The following DIAPH2 variants were observed in gnomAD, a reference collection of about 807,000 sequenced individuals.
DIAPH2 encodes the protein diaphanous related formin 2, also known as protein diaphanous homolog 2.
DIAPH2 carries 35 observed loss-of-function variants against 92.7 expected under a neutral mutation model. That is an observed-to-expected ratio of 0.38 (90% CI 0.29 to 0.50). The LOEUF (loss-of-function observed/expected upper bound fraction) is 0.50, where lower values mean the gene tolerates loss of function less well. DIAPH2 is among the 20% of genes least tolerant of loss of function. The pLI, the probability that DIAPH2 is intolerant of heterozygous loss-of-function variation, is 0.94. For synonymous variants in DIAPH2, 301 were observed against 280.4 expected (o/e 1.07, Z -0.73); for missense variants, 701 against 819.5 (o/e 0.86, Z 1.77).
chrX:97,045,966 G>A (rs2066481105), intron 17 of DIAPH2, among the ~76,000 whole-genome samples: 2 of 103,724 alleles, frequency 1.9e-5, no homozygotes, highest in African/African-American at 7.2e-5. Context: ...CGATTCTCGT[G>A]CCTCAGCCTC....
chrX:97,116,183 T>C (rs1337303172), intron 21 of DIAPH2, among the ~76,000 whole-genome samples: 2 of 112,088 alleles, frequency 1.8e-5, no homozygotes, highest in Non-Finnish European at 3.8e-5. Context: ...CACTTTGATA[T>C]GTATCAAAAA....
intron 25 of DIAPH2, among the ~76,000 whole-genome samples, chrX:97,426,819 A>C (rs1175610170): frequency 8.9e-6 from 1 of 112,031 alleles, no homozygotes; most frequent in Non-Finnish European, 1.9e-5. Context: ...AGTTAGTCTG[A>C]TAAGAAGAAT....
chrX:97,072,318 C>T (rs1203142559), intron 17 of DIAPH2, among the ~76,000 whole-genome samples: 1 of 111,892 alleles, frequency 8.9e-6, no homozygotes, highest in Non-Finnish European at 1.9e-5. Context: ...ATCTTCTGTT[C>T]TAAGGAAGCA....
At chrX:97,378,757 AACT>A (rs2069525668) in intron 24 of DIAPH2, among the ~76,000 whole-genome samples, 1 of 111,805 alleles carries the variant, frequency 8.9e-6, no homozygotes, top group Admixed American at 9.5e-5. Context: ...TTTTCATTAA[AACT>A]ACTATCTCAG....
chrX:97,364,553 G>A (rs2069360216), intron 24 of DIAPH2, among the ~76,000 whole-genome samples: 1 of 112,025 alleles, frequency 8.9e-6, no homozygotes, highest in Non-Finnish European at 1.9e-5. Context: ...CCCAAGCCAT[G>A]CTCAGCTCAC....
intron 26 of DIAPH2, among the ~76,000 whole-genome samples, chrX:97,581,017 C>A (rs1178477198): frequency 1.0e-5 from 1 of 97,723 alleles, no homozygotes; most frequent in South Asian, 5.5e-4. Context: ...GTGGTGATAT[C>A]CCCTTTATCA....
intron 26 of DIAPH2, among the ~76,000 whole-genome samples, chrX:97,558,937 C>A (rs988210611): frequency 1.8e-5 from 2 of 111,481 alleles, no homozygotes; most frequent in African/African-American, 3.3e-5. Context: ...TGTGAAAGCA[C>A]TATGCATTCA....
chrX:97,050,124 A>G (rs2066509917), intron 17 of DIAPH2, among the ~76,000 whole-genome samples: 1 of 111,354 alleles, frequency 9.0e-6, no homozygotes, highest in Non-Finnish European at 1.9e-5. Context: ...GATGGTGGAA[A>G]CAACTATACT....
At chrX:97,406,378 T>G (rs2069810203) in intron 25 of DIAPH2, among the ~76,000 whole-genome samples, 1 of 112,155 alleles carries the variant, frequency 8.9e-6, no homozygotes, top group South Asian at 3.7e-4. Flanking sequence ...AAACTGGATA[T>G]AAAGATGTCA....
In DIAPH2 at chrX:96,907,379, G is replaced by A. The variant is rs188707833; in HGVS notation, c.588-4949G>A. On this transcript the variant is annotated intron_variant, in intron 5 of 26. Transcript: ENST00000324765. ...TGTTTGTCTGTCTAGGCATAGATAT[G>A]TAGATATAAACCGTTCTGTAACACC... Among the ~76,000 whole-genome samples the A allele has an allele frequency of 2.5e-3, 286 of 112,318 alleles. 4 individuals are homozygous for A. Among genetic ancestry groups the A allele is most frequent in the African/African-American group, 8.6e-3 (265 of 30,956 alleles).
chrX:97,391,139 G>A (rs762086518), intron 25 of DIAPH2, among the ~76,000 whole-genome samples: 21 of 111,497 alleles, frequency 1.9e-4, no homozygotes, highest in Non-Finnish European at 3.8e-4. Context: ...ATGAAAAGAT[G>A]CAGGAAAGAA....
At chrX:97,401,345 T>C (rs1364034169) in intron 25 of DIAPH2, among the ~76,000 whole-genome samples, 3 of 111,324 alleles carry the variant, frequency 2.7e-5, no homozygotes, top group Non-Finnish European at 5.7e-5. Context: ...TGGTTTCATT[T>C]TCTGATTTAG....
chrX:97,513,975 A>C (rs1228268581), intron 26 of DIAPH2, among the ~76,000 whole-genome samples: 1 of 105,856 alleles, frequency 9.4e-6, no homozygotes, highest in East Asian at 2.9e-4. Flanking sequence ...GGTGAATCTG[A>C]CAATTATGTG....
intron 25 of DIAPH2, among the ~76,000 whole-genome samples, chrX:97,397,733 T>C (rs1279029696): frequency 8.9e-6 from 1 of 111,895 alleles, no homozygotes; most frequent in Non-Finnish European, 1.9e-5. Flanking sequence ...AGTTGAGTGT[T>C]TGAAGTTGAA....
intron 26 of DIAPH2, among the ~76,000 whole-genome samples, chrX:97,457,274 C>G (rs1236964666): frequency 2.7e-5 from 3 of 112,288 alleles, no homozygotes; most frequent in African/African-American, 9.7e-5. Flanking sequence ...ACCCCTCTCC[C>G]AAAGTGCTGG....
intron 4 of DIAPH2, among the ~76,000 whole-genome samples, chrX:96,858,219 G>A (rs931934342): frequency 3.6e-5 from 4 of 111,452 alleles, no homozygotes; most frequent in Non-Finnish European, 5.6e-5. Context: ...ATTCATGGTG[G>A]TCATTGGTTG....
intron 10 of DIAPH2, among the ~76,000 whole-genome samples, chrX:96,933,498 TTGTGTATATATATGTATATATATATGTG>T (rs1369537431): frequency 1.9e-5 from 2 of 106,581 alleles, no homozygotes; most frequent in Non-Finnish European, 3.9e-5. Flanking sequence ...CAGCTAATTT[TTGTGTATATATATGTATATATATATGTG>T]TGTGTATATA....
In DIAPH2 at chrX:97,600,721, C is replaced by T. The variant is rs756880749; in HGVS notation, c.*1404C>T. ...TGATTGTGATTATTGTAAGAAATTTCTTACATGTATATTTCTTATGTAGAA... is the reference window on the plus strand; with the variant it reads ...TGATTGTGATTATTGTAAGAAATTTTTTACATGTATATTTCTTATGTAGAA... On this transcript the variant is annotated 3_prime_UTR_variant, in exon 27 of 27. Coordinates refer to ENST00000324765, the MANE Select transcript of DIAPH2 (RefSeq NM_006729.5). 3 of 103,994 alleles carry T rather than the reference C, an allele frequency of 2.9e-5. No homozygotes were observed. Among genetic ancestry groups the T allele is most frequent in the Admixed American group, 1.1e-4 (1 of 9,430 alleles). 8.6% of individuals were successfully genotyped at this position (103,994 alleles called of 1,213,427 possible). A position where few individuals can be genotyped will look rare whatever the true frequency, so the allele number is the denominator to read the frequency against.
At chrX:97,130,660 C>T (rs1426406457) in intron 21 of DIAPH2, among the ~76,000 whole-genome samples, 3 of 111,411 alleles carry the variant, frequency 2.7e-5, no homozygotes, top group African/African-American at 6.5e-5. Flanking sequence ...ATGATTAAAA[C>T]GTCCTGGAGA....
Sources: allele counts gnomAD v4.1 joint callset (sites outside exome capture counted in the v4.1 genomes callset), GRCh38; gene constraint gnomAD v4.1.1; transcripts MANE v1.5; gene names NCBI Gene and HGNC (gene_info 2026-07-23, HGNC 2026-07-21).